Variants in WNT9A observed in about 807,000 individuals in gnomAD.
The protein encoded by WNT9A is protein Wnt-9a.
WNT9A carries 8 observed loss-of-function variants against 31.4 expected under a neutral mutation model. The ratio of observed to expected loss-of-function variants is 0.26; its 90% CI spans 0.15 to 0.46. The LOEUF is 0.46. Among genes scored for constraint, WNT9A ranks in the 20% least tolerant of loss-of-function variants. The pLI, the probability that WNT9A is intolerant of heterozygous loss-of-function variation, is 0.99. For missense variants in WNT9A, 457 were observed against 522.9 expected (o/e 0.87, Z 1.23); for synonymous variants, 236 against 220.1 (o/e 1.07, Z -0.64).
rs116924588 is a variant in WNT9A at position 227,934,742 on chromosome 1, C to T, written c.96-9223G>A. Among the ~76,000 whole-genome samples the T allele has an allele frequency of 5.5e-3, 844 of 152,302 alleles. 22 individuals are homozygous for T. The highest frequency in any genetic ancestry group is 0.047 in the Admixed American group (716 of 15,294). On this transcript the variant is annotated intron_variant, in intron 1 of 3. Transcript: ENST00000272164. ...TTCAGTTGCTCCTAAACTGGAACCT[C>T]AGTCACAACTTCAGGTCACGACGCA... is the stretch of plus-strand genomic sequence containing the variant.
In WNT9A at chr1:227,926,936, G is replaced by A. The variant is rs1666429530; in HGVS notation, c.96-1417C>T. 6.6e-6 allele frequency among the ~76,000 whole-genome samples: 1 copy of A among 152,074 alleles called. No homozygotes were observed. Among genetic ancestry groups the A allele is most frequent in the South Asian group, 2.1e-4 (1 of 4,836 alleles). Reference sequence around the variant, plus strand: ...TAGGTAACCCCAAGGCTACTGAGGGGCACCTGCCTCCAGGGCCACAGGCGC... The same window carrying A: ...TAGGTAACCCCAAGGCTACTGAGGGACACCTGCCTCCAGGGCCACAGGCGC... On this transcript the variant is annotated intron_variant, in intron 1 of 3. Transcript: ENST00000272164. This position sits in a 1 kb window ranked among gnomAD's most constrained non-coding sequence, Gnocchi z 5.0.
At chr1:227,927,788 A>G (rs1002181523) in intron 1 of WNT9A, among the ~76,000 whole-genome samples, 4 of 152,100 alleles carry the variant, frequency 2.6e-5, no homozygotes, top group Non-Finnish European at 4.4e-5. Flanking sequence ...CACGAGCCCC[A>G]AGCCACTGTC....
In WNT9A at chr1:227,921,224, A is replaced by G; in HGVS notation, c.*294T>C. 2.3e-6 allele frequency: 1 copy of G among 427,452 alleles called. No individual in the cohort carries two copies. The highest frequency in any genetic ancestry group is 4.2e-6 in the Non-Finnish European group (1 of 236,388). The allele number at this position is 427,452 out of a possible 1,614,324, so 26.5% of individuals were successfully genotyped here. Reference sequence around the variant, plus strand: ...GTGCAATGCCTGTGCCATGTGCAGCAGGGCTGACTGGGCCCAGGGATTCAG... The same window carrying G: ...GTGCAATGCCTGTGCCATGTGCAGCGGGGCTGACTGGGCCCAGGGATTCAG... On this transcript the variant is annotated 3_prime_UTR_variant, in exon 4 of 4. Coordinates refer to ENST00000272164, the MANE Select transcript of WNT9A (RefSeq NM_003395.4).
In WNT9A at chr1:227,940,712, C is replaced by G. The variant is rs373493554; in HGVS notation, c.95+7081G>C. Among the ~76,000 whole-genome samples, 7 of 152,360 alleles carry G rather than the reference C, an allele frequency of 4.6e-5. No homozygotes were observed. The East Asian group carries it at 1.4e-3, about 29-fold the overall frequency. On this transcript the variant is annotated intron_variant, in intron 1 of 3. Transcript: ENST00000272164. ...GTATCGCTAAAAAAAACAAATGCAGCCTGCGGCTTGCCTTTTTCCATCGTC... is the reference window on the plus strand; with the variant it reads ...GTATCGCTAAAAAAAACAAATGCAGGCTGCGGCTTGCCTTTTTCCATCGTC...
chr1:227,920,165 G>A lies in WNT9A; in HGVS notation c.*1353C>T, dbSNP rs1166715296. ...GCGTCTGCCCACAGGGTGCAGGGCA[G>A]GGGCCGCCGGCTGGCCCACCACGTG... On this transcript the variant is annotated 3_prime_UTR_variant, in exon 4 of 4. Transcript: ENST00000272164. 1 of 152,338 alleles carries A rather than the reference G, an allele frequency of 6.6e-6. No homozygotes were observed. Among genetic ancestry groups the A allele is most frequent in the Non-Finnish European group, 1.5e-5 (1 of 68,100 alleles). The allele number at this position is 152,338 out of a possible 1,614,324, so 9.4% of individuals were successfully genotyped here. A position where few individuals can be genotyped will look rare whatever the true frequency, so the allele number is the denominator to read the frequency against.
intron 2 of WNT9A, among the ~76,000 whole-genome samples, chr1:227,924,606 G>T (rs1237377749): frequency 2.0e-5 from 3 of 152,072 alleles, no homozygotes; most frequent in Non-Finnish European, 4.4e-5. Context: ...GGGCTGGCTG[G>T]GGGGAGAAAC....
chr1:227,937,197 G>A (rs538164715), intron 1 of WNT9A, among the ~76,000 whole-genome samples: 1 of 152,346 alleles, frequency 6.6e-6, no homozygotes, highest in South Asian at 2.1e-4. Flanking sequence ...GAGCCTTGCA[G>A]CCATCCCCAA....
chr1:227,946,121 G>A (rs1270742750), intron 1 of WNT9A, among the ~76,000 whole-genome samples: 1 of 152,230 alleles, frequency 6.6e-6, no homozygotes, highest in Non-Finnish European at 1.5e-5. Flanking sequence ...CCTGGCCAGA[G>A]AAGCCACAAC....
At chr1:227,927,654 C>A (rs1666441386) in intron 1 of WNT9A, among the ~76,000 whole-genome samples, 1 of 152,140 alleles carries the variant, frequency 6.6e-6, no homozygotes, top group African/African-American at 2.4e-5. Flanking sequence ...ACCTCACACA[C>A]AAGGGCAGCT....
intron 1 of WNT9A, among the ~76,000 whole-genome samples, chr1:227,938,703 T>TA (rs1572133770): frequency 6.6e-6 from 1 of 152,094 alleles, no homozygotes; most frequent in South Asian, 2.1e-4. Context: ...AAGATCCATG[T>TA]AAAAATTCGC....
intron 1 of WNT9A, among the ~76,000 whole-genome samples, chr1:227,931,094 CCTTT>C (rs1236528992): frequency 2.0e-5 from 3 of 152,086 alleles, no homozygotes; most frequent in Non-Finnish European, 2.9e-5. Flanking sequence ...TTCCTTCCTT[CCTTT>C]TTCTTAGAGG....
rs1414064811 is a variant in WNT9A, at chr1:227,921,501, T to G, written c.*17A>C. 2 of 1,597,206 alleles carry G rather than the reference T, an allele frequency of 1.3e-6. No individual in the cohort carries two copies. Among genetic ancestry groups the G allele is most frequent in the Non-Finnish European group, 1.7e-6 (2 of 1,169,950 alleles). ...ATGCCTGCACCCTGTGCAGCAGGGC[T>G]GGCAGGGCCTGGGAACTCAGCCCTT... On this transcript the variant is annotated 3_prime_UTR_variant, in exon 4 of 4. Coordinates refer to ENST00000272164, the MANE Select transcript of WNT9A (RefSeq NM_003395.4).
At chr1:227,939,965 C>T (rs1666664778) in intron 1 of WNT9A, among the ~76,000 whole-genome samples, 1 of 152,246 alleles carries the variant, frequency 6.6e-6, no homozygotes, top group Admixed American at 6.5e-5. Context: ...GGCCCAGCTG[C>T]ACCCAGGAGG....
At chr1:227,923,356 A>C (rs985564583) in intron 3 of WNT9A, among the ~76,000 whole-genome samples, 1 of 152,188 alleles carries the variant, frequency 6.6e-6, no homozygotes, top group African/African-American at 2.4e-5. Context: ...AACCCTGCCC[A>C]TCCCTGTTCA....
At chr1:227,937,690 G>A (rs1666619983) in intron 1 of WNT9A, among the ~76,000 whole-genome samples, 1 of 152,252 alleles carries the variant, frequency 6.6e-6, no homozygotes, top group African/African-American at 2.4e-5. Context: ...AGCTGGCAGA[G>A]GCAGGAAGGA....
chr1:227,930,548 C>T (rs1666492646), intron 1 of WNT9A, among the ~76,000 whole-genome samples: 1 of 152,070 alleles, frequency 6.6e-6, no homozygotes. Context: ...TAAAAACAAA[C>T]TAACAAAAAA....
At chr1:227,938,450 C>T (rs1288153751) in intron 1 of WNT9A, among the ~76,000 whole-genome samples, 1 of 151,820 alleles carries the variant, frequency 6.6e-6, no homozygotes, top group Non-Finnish European at 1.5e-5. Flanking sequence ...CCCATACACA[C>T]AGACACATGC....
At chr1:227,935,233 C>T (rs74140821) in intron 1 of WNT9A, among the ~76,000 whole-genome samples, 1,898 of 150,692 alleles carry the variant, frequency 0.013, 14 homozygotes, top group African/African-American at 0.021. Context: ...CCCCAGTTCA[C>T]ATACAGAGCC....
intron 1 of WNT9A, among the ~76,000 whole-genome samples, chr1:227,946,329 G>A (rs1005537280): frequency 1.3e-5 from 2 of 152,242 alleles, no homozygotes; most frequent in Non-Finnish European, 2.9e-5. Context: ...GGACAAAGCC[G>A]CTGCAGCCTG....
Sources: allele counts gnomAD v4.1 joint callset (sites outside exome capture counted in the v4.1 genomes callset), GRCh38; gene constraint gnomAD v4.1.1; non-coding constraint Gnocchi (gnomAD v3.1); transcripts MANE v1.5; gene names NCBI Gene and HGNC (gene_info 2026-07-23, HGNC 2026-07-21).